The following COQ3 variants were observed in gnomAD, a reference collection of about 807,000 sequenced individuals.
COQ3 encodes coenzyme Q3, methyltransferase.
COQ3 carries 29 observed loss-of-function variants against 33.1 expected under a neutral mutation model. The ratio of observed to expected loss-of-function variants is 0.88; its 90% CI spans 0.65 to 1.19. The LOEUF (loss-of-function observed/expected upper bound fraction) is 1.19, where lower values mean the gene tolerates loss of function less well. Ranked by LOEUF, COQ3 falls within the 50% of genes most tolerant of loss-of-function variation. The probability of loss-of-function intolerance (pLI) is 0.00; values close to 1 mark genes in which losing one functional copy is unlikely to be tolerated. For missense variants in COQ3, 437 were observed against 430.7 expected, an observed-to-expected ratio of 1.01 and a Z score of -0.13; for synonymous variants, 173 against 157.8, an observed-to-expected ratio of 1.10 and a Z score of -0.72.
At chr6:99,380,861 T>C (rs1030825828) in intron 2 of COQ3, among the ~76,000 whole-genome samples, 1 of 152,060 alleles carries the variant, frequency 6.6e-6, no homozygotes, top group Non-Finnish European at 1.5e-5. Flanking sequence ...GAGTAGAGAT[T>C]GAGCCACTGC....
At chr6:99,388,980 A>G (rs1774746548) in intron 1 of COQ3, among the ~76,000 whole-genome samples, 1 of 152,004 alleles carries the variant, frequency 6.6e-6, no homozygotes, top group African/African-American at 2.4e-5. Flanking sequence ...ACAGTTGGCA[A>G]AAACCAAATA....
At chr6:99,392,062 G>A (rs941766477) in intron 1 of COQ3, among the ~76,000 whole-genome samples, 5 of 151,952 alleles carry the variant, frequency 3.3e-5, no homozygotes, top group Non-Finnish European at 5.9e-5. Context: ...TTACCACAAC[G>A]GAAAGAGAGT....
intron 1 of COQ3, among the ~76,000 whole-genome samples, chr6:99,388,920 CACACACACA>C (rs1774740468): frequency 2.0e-5 from 3 of 149,560 alleles, no homozygotes; most frequent in African/African-American, 7.3e-5. Context: ...CACACACACA[CACACACACA>C]CACACCCACA....
intron 3 of COQ3, 52 bp downstream of exon 3, chr6:99,380,137 T>C: frequency 6.5e-7 from 1 of 1,538,418 alleles, no homozygotes; most frequent in Non-Finnish European, 8.9e-7. Context: ...ATGTGAAATA[T>C]GAATTCTTAA....
intron 5 of COQ3, among the ~76,000 whole-genome samples, chr6:99,375,437 G>A (rs1211003312): frequency 6.7e-6 from 1 of 150,170 alleles, no homozygotes; most frequent in Non-Finnish European, 1.5e-5. Flanking sequence ...AGGCTGGAGT[G>A]CAGTGACACG....
intron 1 of COQ3, among the ~76,000 whole-genome samples, chr6:99,387,633 A>G (rs894468965): frequency 5.3e-5 from 8 of 152,224 alleles, no homozygotes; most frequent in Non-Finnish European, 8.8e-5. Context: ...CTCACATAGT[A>G]CTTTATGATG....
At position 99,380,274 on chromosome 6, in the gene COQ3, A is replaced by G. The variant is rs1392377578; in HGVS notation, c.301T>C (p.Leu101=). 3.1e-6 allele frequency: 5 copies of G among 1,613,992 alleles called. No homozygotes were observed. Among genetic ancestry groups the G allele is most frequent in the Non-Finnish European group, 3.4e-6 (4 of 1,180,014 alleles). Residue 101 remains leucine, a synonymous_variant, in exon 3 of 7, where the codon TTG becomes CTG. Coordinates refer to ENST00000254759, the MANE Select transcript of COQ3 (RefSeq NM_017421.4). ...TCCCACCATTTGTGAGCCAGGGCCA[A>G]GAAGGTTTTTACCTCACCGCTGTCG... ...TVDSGEVKTF[L]ALAHKWWDEQ...
chr6:99,377,329 A>AG, intron 4 of COQ3, 57 bp downstream of exon 4: 2 of 1,212,254 alleles, frequency 1.6e-6, no homozygotes, highest in Non-Finnish European at 2.4e-6. Flanking sequence ...ATGAGGCACA[A>AG]GTCTACTTCT....
chr6:99,378,605 C>T (rs768105393), intron 3 of COQ3, among the ~76,000 whole-genome samples: 4 of 152,108 alleles, frequency 2.6e-5, no homozygotes, highest in Non-Finnish European at 5.9e-5. Context: ...AGTGCTGACC[C>T]CTCCCCAGAG....
intron 1 of COQ3, among the ~76,000 whole-genome samples, chr6:99,388,002 T>G (rs1774702612): frequency 6.6e-6 from 1 of 151,944 alleles, no homozygotes; most frequent in Non-Finnish European, 1.5e-5. Flanking sequence ...CTGTCTCTAC[T>G]AAAAATACAA....
At chr6:99,391,962 G>A (rs989537754) in intron 1 of COQ3, among the ~76,000 whole-genome samples, 1 of 151,756 alleles carries the variant, frequency 6.6e-6, no homozygotes, top group African/African-American at 2.4e-5. Flanking sequence ...TCATGCCACT[G>A]CACTCTAACC....
At chr6:99,375,003 G>A (rs962425387) in intron 5 of COQ3, among the ~76,000 whole-genome samples, 1 of 64,928 alleles carries the variant, frequency 1.5e-5, no homozygotes, top group Non-Finnish European at 3.1e-5. Context: ...TTTTTTTTTT[G>A]AGACAGTTTC....
intron 5 of COQ3, among the ~76,000 whole-genome samples, chr6:99,374,435 G>A (rs922414820): frequency 1.4e-4 from 21 of 152,162 alleles, no homozygotes; most frequent in Non-Finnish European, 3.1e-4. Flanking sequence ...GAAGACAGGT[G>A]AAAGGCACAC....
intron 1 of COQ3, among the ~76,000 whole-genome samples, chr6:99,388,433 A>G (rs895534698): frequency 3.9e-5 from 6 of 152,226 alleles, no homozygotes; most frequent in African/African-American, 1.4e-4. Flanking sequence ...GGAAAATTCA[A>G]CATAGTAAAA....
chr6:99,376,412 T>C (rs925850889), intron 4 of COQ3, among the ~76,000 whole-genome samples: 4 of 152,106 alleles, frequency 2.6e-5, no homozygotes, highest in African/African-American at 4.8e-5. Flanking sequence ...AAAAAACTGA[T>C]AAAAAACTAC....
At position 99,383,838 on chromosome 6, in the gene COQ3, T is replaced by A. The variant is rs201434886; in HGVS notation, c.107-14A>T. The stretch of plus-strand genomic sequence containing the variant: ...TCTTCACATAAACTGAAAAAAAAAA[T>A]TAAATATCTAGAGAAAAGCTTTGCA... On this transcript the variant is annotated splice_polypyrimidine_tract_variant and intron_variant, in intron 1 of 6. Coordinates refer to ENST00000254759, the MANE Select transcript of COQ3 (RefSeq NM_017421.4). 4.8e-4 allele frequency: 744 copies of A among 1,543,660 alleles called. 1 individual carries two copies. The highest frequency in any genetic ancestry group is 6.1e-4 in the Non-Finnish European group (694 of 1,145,528).
intron 6 of COQ3, 152 bp from the exon 7 acceptor site, chr6:99,369,972 C>A: frequency 1.6e-6 from 1 of 610,506 alleles, no homozygotes; most frequent in Non-Finnish European, 2.9e-6. Flanking sequence ...ACTTAATGGG[C>A]AAGCGTATTT....
chr6:99,383,694 C>A lies in COQ3; in HGVS notation c.233+4G>T. 1 of 1,559,542 alleles carries A rather than the reference C, an allele frequency of 6.4e-7. No individual in the cohort carries two copies. The highest frequency in any genetic ancestry group is 8.6e-7 in the Non-Finnish European group (1 of 1,158,914). On this transcript the variant is annotated splice_donor_region_variant and intron_variant, in intron 2 of 6. Transcript: ENST00000254759. ...AATATTTGCCACAGTAATAATAAAC[C>A]CACCTGAAACTCTTTATTCTGTTCA...
At position 99,380,258 on chromosome 6, in the gene COQ3, T is replaced by C. The variant is rs763723644; in HGVS notation, c.317A>G (p.Lys106Arg). The part of the protein sequence containing the change: ...EVKTFLALAH[K>R]WWDEQGVYAP... ...ATATACTCCTTGTTCATCCCACCAT[T>C]TGTGAGCCAGGGCCAAGAAGGTTTT... The change falls in exon 3 of 7, where the codon AAA becomes AGA. Residue 106 changes from lysine to arginine, a missense_variant. Physicochemically the swap from Lys to Arg is conservative, Grantham distance 26. Coordinates refer to ENST00000254759, the MANE Select transcript of COQ3 (RefSeq NM_017421.4). The C allele has an allele frequency of 6.2e-7, 1 of 1,614,082 alleles. No individual in the cohort carries two copies. Among genetic ancestry groups the C allele is most frequent in the South Asian group, 1.1e-5 (1 of 91,078 alleles).
Sources: allele counts gnomAD v4.1 joint callset (sites outside exome capture counted in the v4.1 genomes callset), GRCh38; gene constraint gnomAD v4.1.1; transcripts MANE v1.5; gene names NCBI Gene and HGNC (gene_info 2026-07-23, HGNC 2026-07-21).